Variants in DDX24 observed in about 807,000 individuals in gnomAD.
DDX24 encodes the protein ATP-dependent RNA helicase DDX24.
In DDX24, 24 loss-of-function variants were observed where a neutral mutation model predicts 68.9. The ratio of observed to expected loss-of-function variants is 0.35; its 90% CI spans 0.25 to 0.49. The LOEUF is 0.49. DDX24 is among the 20% of genes least tolerant of loss of function. DDX24 has a pLI of 0.99. For missense variants in DDX24, 989 were observed against 1,039.0 expected, an observed-to-expected ratio of 0.95 and a Z score of 0.66; for synonymous variants, 395 against 385.2, an observed-to-expected ratio of 1.03 and a Z score of -0.30.
rs1886021239 is a variant in DDX24, at chr14:94,079,703, T to C, written c.40A>G (p.Ser14Gly). 1 of 1,614,166 alleles carries C rather than the reference T, an allele frequency of 6.2e-7. No individual in the cohort carries two copies. Among genetic ancestry groups the C allele is most frequent in the Non-Finnish European group, 8.5e-7 (1 of 1,180,022 alleles). The change falls in exon 2 of 9, where the codon AGC becomes GGC. Residue 14 changes from serine (S) to glycine (G), a missense_variant. Coordinates refer to ENST00000621632, the MANE Select transcript of DDX24 (RefSeq NM_020414.4). Reference sequence around the variant, plus strand: ...CCCTTTGTCTGAAATTTGCCACAGCTTGACTGCTTTGGCCTTGATTTTGTG... The same window carrying C: ...CCCTTTGTCTGAAATTTGCCACAGCCTGACTGCTTTGGCCTTGATTTTGTG... ...KDTKSRPKQS[S>G]CGKFQTKGIK...
rs1481472190 is a variant in DDX24 at position 94,048,677 on chromosome 14, G to C, written c.*2514C>G. The stretch of plus-strand genomic sequence containing the variant: ...TGTCCTTCCTGACAGGAAGCATAGG[G>C]CACTGCAGATGGGGAAGCATGTCAC... On this transcript the variant is annotated 3_prime_UTR_variant, in exon 9 of 9. Transcript: ENST00000621632. 6.6e-6 allele frequency: 1 copy of C among 152,234 alleles called. No individual in the cohort carries two copies. The highest frequency in any genetic ancestry group is 1.5e-5 in the Non-Finnish European group (1 of 68,048). 9.4% of individuals were successfully genotyped at this position (152,234 alleles called of 1,614,324 possible). A position where few individuals can be genotyped will look rare whatever the true frequency, so the allele number is the denominator to read the frequency against.
chr14:94,057,994 C>T, intron 5 of DDX24, 97 bp from the exon 6 acceptor site: 1 of 1,121,786 alleles, frequency 8.9e-7, no homozygotes, highest in African/African-American at 1.6e-5. Flanking sequence ...ACAGTCCTTA[C>T]CAATACTCTG....
chr14:94,052,509 A>G (rs1885406922), intron 8 of DDX24, among the ~76,000 whole-genome samples: 1 of 152,210 alleles, frequency 6.6e-6, no homozygotes, highest in South Asian at 2.1e-4. Context: ...TGTAGTAGGA[A>G]CCATAATGAC....
In DDX24 at chr14:94,062,438, T is replaced by C; in HGVS notation, c.902A>G (p.Asp301Gly). Residue 301 changes from aspartate (D) to glycine (G), a missense_variant, in exon 3 of 9, where the codon GAT (aspartate) becomes GGT (glycine). By Grantham distance (94) the Asp-to-Gly change is moderately conservative. This residue lies in a region of DDX24 where 691 missense variants were observed against 760.0 expected (regional missense o/e 0.91). Transcript: ENST00000621632. ...AEAESDALPD[D>G]TVIESEALPS... ...CAGTGCTTCACTCTCAATTACAGTA[T>C]CGTCAGGCAATGCATCAGACTCAGC... The C allele has an allele frequency of 6.2e-7, 1 of 1,614,130 alleles. No homozygotes were observed. Among genetic ancestry groups the C allele is most frequent in the South Asian group, 1.1e-5 (1 of 91,088 alleles).
At chr14:94,078,098 C>T (rs1473510443) in intron 2 of DDX24, among the ~76,000 whole-genome samples, 1 of 151,328 alleles carries the variant, frequency 6.6e-6, no homozygotes, top group African/African-American at 2.4e-5. Context: ...CTAAACAATA[C>T]GGTGTAACAA....
chr14:94,062,548 G>A lies in DDX24; in HGVS notation c.792C>T (p.Ala264=), dbSNP rs778449209. The A allele has an allele frequency of 1.3e-5, 21 of 1,613,996 alleles. No individual in the cohort carries two copies. The East Asian group carries it at 4.2e-4, about 33-fold the overall frequency. The change falls in exon 3 of 9, where the codon GCC becomes GCT. Residue 264 remains alanine, a synonymous_variant. Transcript: ENST00000621632. ...AVLQWQKRNA[A]PPPSNTEAPP... ...GTGCTTCGGTGTTACTTGGAGGAGG[G>A]GCAGCATTCCTCTTCTGCCACTGCA...
intron 2 of DDX24, among the ~76,000 whole-genome samples, chr14:94,077,224 T>C (rs1216175468): frequency 2.0e-5 from 3 of 152,214 alleles, no homozygotes; most frequent in African/African-American, 7.2e-5. Flanking sequence ...ATGCCCCTAA[T>C]CCCCACATTA....
Position 94,051,273 on chromosome 14 carries a change from A to G in DDX24, c.2498T>C (p.Leu833Pro), listed in dbSNP as rs1401001925. 6.2e-7 allele frequency: 1 copy of G among 1,608,252 alleles called. No homozygotes were observed. Among genetic ancestry groups the G allele is most frequent in the Non-Finnish European group, 8.5e-7 (1 of 1,177,700 alleles). ...TGTCTTCTTCTTCTTCTGCTTGGAGAGACAGCTCAAAGCAGACTCGCTCTT... is the reference window on the plus strand; with the variant it reads ...TGTCTTCTTCTTCTTCTGCTTGGAGGGACAGCTCAAAGCAGACTCGCTCTT... ...PSKSESALSC[L>P]SKQKKKKTKK... is the part of the protein sequence containing the mutation. The change falls in exon 9 of 9, where the codon CTC becomes CCC. Residue 833 changes from leucine to proline, a missense_variant. Around this residue, in one of 3 missense-constraint regions of DDX24, gnomAD observed 691 missense variants for 760.0 expected, o/e 0.91. Coordinates refer to ENST00000621632, the MANE Select transcript of DDX24 (RefSeq NM_020414.4).
intron 3 of DDX24, 105 bp downstream of exon 3, chr14:94,061,992 G>C: frequency 1.6e-6 from 2 of 1,249,732 alleles, no homozygotes; most frequent in Non-Finnish European, 2.2e-6. Context: ...GCTTATAGAT[G>C]AGAGTGGCTT....
rs749879338 is a variant in DDX24 at position 94,053,131 on chromosome 14, G to C, written c.2179-4C>G. On this transcript the variant is annotated splice_region_variant and splice_polypyrimidine_tract_variant and intron_variant, in intron 7 of 8. Transcript: ENST00000621632. Reference sequence around the variant, plus strand: ...GTCGAGCTAAACGGATTCGCTCCTGGGGGGAAGTAACAGAAAATATTCATC... The same window carrying C: ...GTCGAGCTAAACGGATTCGCTCCTGCGGGGAAGTAACAGAAAATATTCATC... 17 of 1,613,878 alleles carry C rather than the reference G, an allele frequency of 1.1e-5. No individual in the cohort carries two copies. Among genetic ancestry groups the C allele is most frequent in the Non-Finnish European group, 1.4e-5 (16 of 1,179,994 alleles).
At chr14:94,066,257 C>T (rs1232908380) in intron 2 of DDX24, among the ~76,000 whole-genome samples, 1 of 152,080 alleles carries the variant, frequency 6.6e-6, no homozygotes, top group Non-Finnish European at 1.5e-5. Flanking sequence ...GCATGACTCA[C>T]CAGAGGCAGC....
Position 94,062,351 on chromosome 14 carries a change from A to G in DDX24, c.989T>C (p.Leu330Ser). ...KTGGTVSDQA[L>S]LFGDDDAGEG... ...ACCAGCATCATCGTCACCAAAGAGCAACGCCTGGTCTGAGACAGTGCCTCC... is the reference window on the plus strand; with the variant it reads ...ACCAGCATCATCGTCACCAAAGAGCGACGCCTGGTCTGAGACAGTGCCTCC... The change falls in exon 3 of 9, where the codon TTG (leucine) becomes TCG (serine). Residue 330 changes from leucine (L) to serine (S), a missense_variant. Physicochemically the swap from Leu to Ser is moderately radical, Grantham distance 145. Coordinates refer to ENST00000621632, the MANE Select transcript of DDX24 (RefSeq NM_020414.4). 6.2e-7 allele frequency: 1 copy of G among 1,614,254 alleles called. No individual in the cohort carries two copies.
chr14:94,053,992 A>G (rs974117502), intron 7 of DDX24, among the ~76,000 whole-genome samples: 4 of 152,198 alleles, frequency 2.6e-5, no homozygotes, highest in African/African-American at 9.7e-5. Context: ...CTTTCCCAAC[A>G]ATCAACCTGA....
At chr14:94,052,132 G>T (rs115581385) in intron 8 of DDX24, among the ~76,000 whole-genome samples, 1,903 of 152,368 alleles carry the variant, frequency 0.012, 43 homozygotes, top group African/African-American at 0.042. Context: ...GCAGACAGCA[G>T]TTAAGTCTGC....
intron 2 of DDX24, among the ~76,000 whole-genome samples, chr14:94,063,904 A>G (rs1189589860): frequency 6.6e-6 from 1 of 152,238 alleles, no homozygotes; most frequent in Non-Finnish European, 1.5e-5. Context: ...TACTGTCTCT[A>G]AAAACAAACA....
chr14:94,061,411 C>T (rs1055687004), intron 3 of DDX24, among the ~76,000 whole-genome samples: 2 of 152,158 alleles, frequency 1.3e-5, no homozygotes, highest in Non-Finnish European at 2.9e-5. Flanking sequence ...TGACCTGCAG[C>T]TGTGCTACAC....
intron 2 of DDX24, among the ~76,000 whole-genome samples, chr14:94,071,787 A>T (rs1276078894): frequency 6.6e-6 from 1 of 152,032 alleles, no homozygotes; most frequent in Non-Finnish European, 1.5e-5. Context: ...CTCTACTAAA[A>T]ATACAAAATT....
At chr14:94,074,970 T>A (rs1885907895) in intron 2 of DDX24, among the ~76,000 whole-genome samples, 1 of 152,206 alleles carries the variant, frequency 6.6e-6, no homozygotes, top group South Asian at 2.1e-4. Flanking sequence ...GTGAAAAATC[T>A]ATATACTGAA....
At chr14:94,061,163 C>A in intron 3 of DDX24, 97 bp from the exon 4 acceptor site, 2 of 1,408,724 alleles carry the variant, frequency 1.4e-6, no homozygotes, top group South Asian at 1.3e-5. Context: ...AGACAGACAT[C>A]AGCACAGTGT....
Sources: allele counts gnomAD v4.1 joint callset (sites outside exome capture counted in the v4.1 genomes callset), GRCh38; gene constraint gnomAD v4.1.1; regional missense constraint gnomAD v4.1.1; transcripts MANE v1.5; gene names NCBI Gene and HGNC (gene_info 2026-07-23, HGNC 2026-07-21).